Variants in PZP observed in about 807,000 individuals in gnomAD.
PZP encodes PZP alpha-2-macroglobulin like.
Under a neutral mutation model 179.8 loss-of-function variants are expected in PZP, and 150 were observed. The ratio of observed to expected loss-of-function variants is 0.83; its 90% CI spans 0.73 to 0.96. The LOEUF is 0.96. Ranked by LOEUF, PZP falls within the 40% of genes least tolerant of loss-of-function variation. The pLI, the probability that PZP is intolerant of heterozygous loss-of-function variation, is 0.00. For missense variants in PZP, 1,689 were observed against 1,764.0 expected (o/e 0.96, Z 0.76); for synonymous variants, 624 against 652.3 (o/e 0.96, Z 0.66).
intron 10 of PZP, 139 bp from the exon 11 acceptor site, chr12:9,194,377 G>T (rs1439745597): frequency 6.1e-6 from 4 of 659,872 alleles, no homozygotes; most frequent in Non-Finnish European, 1.0e-5. Context: ...TCATATTTAC[G>T]ACAAAATGTT....
At chr12:9,192,288 T>G in intron 12 of PZP, 32 bp from the exon 13 acceptor site, 1 of 1,598,516 alleles carries the variant, frequency 6.3e-7, no homozygotes, top group Non-Finnish European at 8.6e-7. Context: ...GGAAATTTCT[T>G]GAGCTGGACA....
chr12:9,200,273 T>A lies in PZP; in HGVS notation c.755+91A>T, dbSNP rs748217049. 4 of 816,036 alleles carry A rather than the reference T, an allele frequency of 4.9e-6. No homozygotes were observed. In the African/African-American group the frequency reaches 7.0e-5, roughly 14 times the overall value. The allele number at this position is 816,036 out of a possible 1,614,324, so 50.5% of individuals were successfully genotyped here. On this transcript the variant is annotated intron_variant, in intron 7 of 35. Coordinates refer to ENST00000261336, the MANE Select transcript of PZP (RefSeq NM_002864.3). The stretch of plus-strand genomic sequence containing the variant: ...CAAAGGAGTAATATTACAAAAGTGC[T>A]GAGGCAAAGTAAATTTATAATTTTG...
chr12:9,157,641 A>G (rs1209088801), intron 27 of PZP, 126 bp downstream of exon 27: 2 of 857,354 alleles, frequency 2.3e-6, no homozygotes, highest in African/African-American at 3.4e-5. Flanking sequence ...CAAAGAGCTT[A>G]TCAGTCTGAG....
At chr12:9,200,290 A>G (rs1024170120) in intron 7 of PZP, 74 bp downstream of exon 7, 1 of 1,000,626 alleles carries the variant, frequency 1.0e-6, no homozygotes, top group Non-Finnish European at 1.5e-6. Flanking sequence ...AAGTAAATTT[A>G]TAATTTTGTA....
intron 29 of PZP, among the ~76,000 whole-genome samples, chr12:9,154,360 A>T (rs745753352): frequency 2.6e-5 from 4 of 152,286 alleles, no homozygotes; most frequent in East Asian, 1.9e-4. Context: ...GTGTCCAATG[A>T]CCATAGCGTG....
intron 5 of PZP, 100 bp downstream of exon 5, chr12:9,201,227 T>C: frequency 1.5e-6 from 2 of 1,338,458 alleles, no homozygotes; most frequent in South Asian, 2.5e-5. Context: ...AATTCAGATC[T>C]GAAAATTTTT....
intron 2 of PZP, 28 bp from the exon 3 acceptor site, chr12:9,202,712 G>A (rs1355065383): frequency 1.9e-6 from 3 of 1,603,748 alleles, no homozygotes. Context: ...TTTTACTACT[G>A]AGGAACTGTG....
Position 9,148,978 on chromosome 12 carries a change from A to G in PZP, c.4443T>C (p.Asn1481=), listed in dbSNP as rs1245708762. 1 of 1,611,116 alleles carries G rather than the reference A, an allele frequency of 6.2e-7. No individual in the cohort carries two copies. Among genetic ancestry groups the G allele is most frequent in the Non-Finnish European group, 8.5e-7 (1 of 1,177,264 alleles). ...TATACAGCCTGTATGGTCCTCAAAC[A>G]TTTCCATGCTCTGTATCTATGGAGA... ...APCSTDTEHG[N]V The change falls in exon 36 of 36, where the codon AAT becomes AAC. Residue 1481 remains asparagine (N), a synonymous_variant. Coordinates refer to ENST00000261336, the MANE Select transcript of PZP (RefSeq NM_002864.3).
At chr12:9,169,083 A>G (rs1440344735) in intron 16 of PZP, 109 bp from the exon 17 acceptor site, 5 of 722,866 alleles carry the variant, frequency 6.9e-6, no homozygotes, top group Non-Finnish European at 9.2e-6. Flanking sequence ...TATTAATTCT[A>G]TGGCGAAACA....
intron 13 of PZP, among the ~76,000 whole-genome samples, chr12:9,188,126 T>G (rs1943240917): frequency 6.6e-6 from 1 of 152,174 alleles, no homozygotes; most frequent in African/African-American, 2.4e-5. Flanking sequence ...AAATCCTCAA[T>G]AAAATACTGG....
chr12:9,141,059 G>A, the PZP span, among the ~76,000 whole-genome samples: 64 of 152,214 alleles, frequency 4.2e-4, 1 homozygote, highest in East Asian at 0.011. Flanking sequence ...GACAACAATT[G>A]TTTATGGATG....
chr12:9,158,278 AGT>A, intron 26 of PZP, 140 bp downstream of exon 26: 2 of 1,263,792 alleles, frequency 1.6e-6, no homozygotes, highest in Non-Finnish European at 2.2e-6. Context: ...CTCTGTAGAA[AGT>A]GTAATACTCT....
rs907347202 is a variant in PZP, at chr12:9,200,356, T to C, written c.755+8A>G. The C allele has an allele frequency of 1.9e-6, 3 of 1,570,092 alleles. No homozygotes were observed. Among genetic ancestry groups the C allele is most frequent in the African/African-American group, 2.7e-5 (2 of 73,668 alleles). On this transcript the variant is annotated splice_region_variant and intron_variant, in intron 7 of 35. Coordinates refer to ENST00000261336, the MANE Select transcript of PZP (RefSeq NM_002864.3). Reference sequence around the variant, plus strand: ...TATAAAATTTTAGATAAAAACAATGTAACTCACTCTCCACAGACTGTTATG... The same window carrying C: ...TATAAAATTTTAGATAAAAACAATGCAACTCACTCTCCACAGACTGTTATG...
At position 9,170,001 on chromosome 12, in the gene PZP, A is replaced by G. The variant is rs1941874763; in HGVS notation, c.1840-410T>C. The G allele has an allele frequency of 6.5e-6, 1 of 153,530 alleles. No individual in the cohort carries two copies. Among genetic ancestry groups the G allele is most frequent in the South Asian group, 2.1e-4 (1 of 4,860 alleles). The allele number at this position is 153,530 out of a possible 1,614,324, so 9.5% of individuals were successfully genotyped here. A position where few individuals can be genotyped will look rare whatever the true frequency, so the allele number is the denominator to read the frequency against. On this transcript the variant is annotated intron_variant, in intron 15 of 35. Coordinates refer to ENST00000261336, the MANE Select transcript of PZP (RefSeq NM_002864.3). The surrounding 1 kb of genome is among the most constrained non-coding windows in gnomAD (Gnocchi z 4.6). ...TACTCAGGCTTATTCTCAGACAGAA[A>G]ATCGTATAGATGGCCCATTAGAAGC...
downstream of PZP, among the ~76,000 whole-genome samples, chr12:9,146,562 T>C (rs1413137627): frequency 6.6e-6 from 1 of 152,200 alleles, no homozygotes; most frequent in African/African-American, 2.4e-5. Context: ...TAATTCTTCA[T>C]TTTCTTTGAC....
At chr12:9,178,483 G>A (rs1394963307) in intron 15 of PZP, among the ~76,000 whole-genome samples, 3 of 152,272 alleles carry the variant, frequency 2.0e-5, no homozygotes, top group Middle Eastern at 3.4e-3. Context: ...AAGCCGTAAA[G>A]TGCTTCCTTT....
rs768114675 is a variant in PZP, at chr12:9,160,996, C to T, written c.2872+37G>A. 10 of 1,487,016 alleles carry T rather than the reference C, an allele frequency of 6.7e-6. No homozygotes were observed. In the Admixed American group the frequency reaches 1.5e-4, roughly 22 times the overall value. 92.1% of individuals were successfully genotyped at this position (1,487,016 alleles called of 1,614,324 possible). A position where few individuals can be genotyped will look rare whatever the true frequency, so the allele number is the denominator to read the frequency against. On this transcript the variant is annotated intron_variant, in intron 23 of 35. Coordinates refer to ENST00000261336, the MANE Select transcript of PZP (RefSeq NM_002864.3). ...GTAGATAAGATGTACAGTGGCAACT[C>T]TTTTGGCCCAGGTTTACTAAATGGA...
At chr12:9,182,456 C>T (rs1212225466) in intron 13 of PZP, among the ~76,000 whole-genome samples, 2 of 152,046 alleles carry the variant, frequency 1.3e-5, no homozygotes, top group African/African-American at 4.8e-5. Context: ...ACATTTCAGA[C>T]TAGAGGTGAT....
At chr12:9,202,723 C>T in intron 2 of PZP, 39 bp from the exon 3 acceptor site, 1 of 1,577,186 alleles carries the variant, frequency 6.3e-7, no homozygotes, top group Non-Finnish European at 8.7e-7. Flanking sequence ...AGGAACTGTG[C>T]AGTCTTCTCC....
Sources: gnomAD v4.1 joint callset for allele counts (sites outside exome capture counted in the v4.1 genomes callset) on GRCh38, gnomAD v4.1.1 for gene constraint, Gnocchi (gnomAD v3.1) non-coding constraint, MANE v1.5 for transcripts, NCBI Gene and HGNC (gene_info 2026-07-23, HGNC 2026-07-21) for gene names.